PARL: variants seen among roughly 807,000 people sequenced by gnomAD.
PARL encodes presenilin-associated rhomboid-like protein, mitochondrial.
In PARL, 44 loss-of-function variants were observed where a neutral mutation model predicts 51.6. That is an observed-to-expected ratio of 0.85 (90% CI 0.67 to 1.10). PARL has a LOEUF of 1.10. PARL is among the 50% of genes least tolerant of loss of function. PARL has a pLI of 0.00. For synonymous variants in PARL, 172 were observed against 164.0 expected (o/e 1.05, Z -0.37); for missense variants, 441 against 469.5 (o/e 0.94, Z 0.56).
At chr3:183,855,077 T>C (rs576495070) in intron 4 of PARL, among the ~76,000 whole-genome samples, 1 of 152,156 alleles carries the variant, frequency 6.6e-6, no homozygotes, top group South Asian at 2.1e-4. Context: ...ACTTGATGTA[T>C]ATGAAATCTC....
chr3:183,879,731 G>A, intron 1 of PARL: 1 of 978,862 alleles, frequency 1.0e-6, no homozygotes, highest in South Asian at 4.7e-5. Context: ...TTTTTTGGTG[G>A]GCGGGGGGAG....
At chr3:183,844,433 T>C in intron 4 of PARL, 107 bp from the exon 5 acceptor site, 1 of 771,864 alleles carries the variant, frequency 1.3e-6, no homozygotes, top group East Asian at 2.7e-5. Flanking sequence ...AAGAGTACTG[T>C]ATACCTGGGG....
chr3:183,827,652 C>T (rs990712659), downstream of PARL, among the ~76,000 whole-genome samples: 1 of 151,688 alleles, frequency 6.6e-6, no homozygotes, highest in Non-Finnish European at 1.5e-5. Flanking sequence ...AAATAAGAGG[C>T]GAGAGAGGGA....
intron 2 of PARL, 53 bp downstream of exon 2, chr3:183,867,812 T>A: frequency 7.4e-7 from 1 of 1,346,370 alleles, no homozygotes; most frequent in Non-Finnish European, 1.1e-6. Flanking sequence ...ACAAAGTACT[T>A]TAACACTGCA....
rs201425309 is a variant in PARL, at chr3:183,884,842, G to T, written c.5C>A (p.Ala2Glu). 52 of 1,597,354 alleles carry T rather than the reference G, an allele frequency of 3.3e-5. No homozygotes were observed. The South Asian group carries it at 5.5e-4, about 17-fold the overall frequency. ...GCCTCTCTGCGCCCAGCCTCGCCAC[G>T]CCATCTTCCCAACCTCTGCCCCACC... M[A>E]WRGWAQRGWG... The change falls in exon 1 of 10, where the codon GCG becomes GAG. Residue 2 changes from alanine (A) to glutamate (E), a missense_variant. Coordinates refer to ENST00000317096, the MANE Select transcript of PARL (RefSeq NM_018622.7).
chr3:183,867,617 G>A (rs1560420438), intron 2 of PARL, among the ~76,000 whole-genome samples: 1 of 151,732 alleles, frequency 6.6e-6, no homozygotes. Flanking sequence ...GGAGAATGGT[G>A]TGAACCCAGG....
chr3:183,847,407 T>C (rs1294487218), intron 4 of PARL, among the ~76,000 whole-genome samples: 1 of 151,758 alleles, frequency 6.6e-6, no homozygotes, highest in Admixed American at 6.6e-5. Context: ...TACAAAAAAA[T>C]GAACAAAATC....
intron 1 of PARL, among the ~76,000 whole-genome samples, chr3:183,872,342 C>G (rs1055696043): frequency 6.6e-6 from 1 of 152,142 alleles, no homozygotes; most frequent in Non-Finnish European, 1.5e-5. Flanking sequence ...CCACTCAATT[C>G]AACTCAGAAA....
chr3:183,835,543 A>C (rs2108590069), intron 7 of PARL, among the ~76,000 whole-genome samples: 1 of 152,270 alleles, frequency 6.6e-6, no homozygotes, highest in Non-Finnish European at 1.5e-5. Flanking sequence ...AGAAGACCTG[A>C]ATTTTGACCA....
chr3:183,829,747 G>T, intron 9 of PARL, 38 bp from the exon 10 acceptor site: 1 of 1,512,540 alleles, frequency 6.6e-7, no homozygotes, highest in Non-Finnish European at 9.2e-7. Context: ...TTCAAACAGT[G>T]TGACATACAA....
intron 4 of PARL, among the ~76,000 whole-genome samples, chr3:183,854,988 T>C (rs1412123710): frequency 6.6e-6 from 1 of 152,144 alleles, no homozygotes; most frequent in Admixed American, 6.5e-5. Flanking sequence ...GTACTGATGA[T>C]ATATACTGCA....
intron 9 of PARL, among the ~76,000 whole-genome samples, chr3:183,832,363 C>T (rs749699191): frequency 3.2e-4 from 48 of 151,954 alleles, no homozygotes; most frequent in Non-Finnish European, 2.2e-4. Context: ...GGACTACAGG[C>T]GCCCGCCACC....
At chr3:183,868,276 A>G (rs996818924) in intron 1 of PARL, among the ~76,000 whole-genome samples, 1 of 152,220 alleles carries the variant, frequency 6.6e-6, no homozygotes, top group African/African-American at 2.4e-5. Flanking sequence ...TTCAGAGGAT[A>G]CTACTTTGGG....
intron 1 of PARL, among the ~76,000 whole-genome samples, chr3:183,880,332 TCAAATGTGCTCAAAGTGG>T (rs1235683378): frequency 1.7e-4 from 26 of 151,922 alleles, no homozygotes; most frequent in African/African-American, 4.4e-4. Flanking sequence ...GGGGAAGCAA[TCAAATGTGCTCAAAGTGG>T]GAGGATGTCA....
intron 4 of PARL, among the ~76,000 whole-genome samples, chr3:183,847,951 C>G (rs75544344): frequency 1.3e-5 from 2 of 152,186 alleles, no homozygotes; most frequent in African/African-American, 4.8e-5. Flanking sequence ...CTTCCTGACT[C>G]GGTAACTCTT....
chr3:183,837,394 G>A (rs1268543589), intron 7 of PARL, among the ~76,000 whole-genome samples: 2 of 152,168 alleles, frequency 1.3e-5, no homozygotes, highest in Admixed American at 6.5e-5. Flanking sequence ...AGAAACGGGT[G>A]CCCAGCAAAG....
chr3:183,868,653 C>T (rs1732813576), intron 1 of PARL, among the ~76,000 whole-genome samples: 1 of 152,224 alleles, frequency 6.6e-6, no homozygotes, highest in Non-Finnish European at 1.5e-5. Context: ...ACACAATCCT[C>T]CTGCCATGGC....
intron 6 of PARL, among the ~76,000 whole-genome samples, chr3:183,841,185 T>C (rs1452592382): frequency 2.0e-5 from 3 of 152,218 alleles, no homozygotes; most frequent in African/African-American, 7.2e-5. Context: ...GTAAGTCTCT[T>C]TGGCTTCAGT....
At chr3:183,835,190 A>T (rs922892018) in intron 7 of PARL, among the ~76,000 whole-genome samples, 3 of 151,664 alleles carry the variant, frequency 2.0e-5, no homozygotes, top group Non-Finnish European at 4.4e-5. Flanking sequence ...CCTAAGAGCA[A>T]AATAACTTTT....
Sources: gnomAD v4.1 joint callset for allele counts (sites outside exome capture counted in the v4.1 genomes callset) on GRCh38, gnomAD v4.1.1 for gene constraint, MANE v1.5 for transcripts, NCBI Gene and HGNC (gene_info 2026-07-23, HGNC 2026-07-21) for gene names.